AGBL1: variants seen among roughly 807,000 people sequenced by gnomAD.
AGBL1 encodes AGBL carboxypeptidase 1.
In AGBL1, 130 loss-of-function variants were observed where a neutral mutation model predicts 118.9. The observed-to-expected ratio is 1.09, with a 90% CI of 0.95 to 1.26. AGBL1 has a LOEUF of 1.26. Ranked by LOEUF, AGBL1 falls within the 50% of genes most tolerant of loss-of-function variation. The pLI is 0.00. For missense variants in AGBL1, 1,584 were observed against 1,298.1 expected (o/e 1.22, Z -3.38); for synonymous variants, 555 against 478.9 (o/e 1.16, Z -2.08).
chr15:86,611,370 T>C (rs1035034026), intron 21 of AGBL1, among the ~76,000 whole-genome samples: 22 of 152,232 alleles, frequency 1.4e-4, no homozygotes, highest in Admixed American at 1.1e-3. Flanking sequence ...TGGTGATCCA[T>C]AACACCAAAC....
chr15:86,126,188 G>A (rs1288637147), intron 1 of AGBL1, among the ~76,000 whole-genome samples: 1 of 151,558 alleles, frequency 6.6e-6, no homozygotes, highest in Non-Finnish European at 1.5e-5. Context: ...TTATAACCAC[G>A]CCTGCTGACA....
At chr15:86,609,037 A>T (rs886824371) in intron 21 of AGBL1, among the ~76,000 whole-genome samples, 1 of 152,142 alleles carries the variant, frequency 6.6e-6, no homozygotes, top group Non-Finnish European at 1.5e-5. Context: ...AAAGTACGTG[A>T]CTTTTTTGCT....
chr15:86,421,424 A>G (rs1295621437), intron 18 of AGBL1, among the ~76,000 whole-genome samples: 1 of 152,220 alleles, frequency 6.6e-6, no homozygotes, highest in East Asian at 1.9e-4. Context: ...TGTCATCACC[A>G]GGCCTACCAT....
chr15:86,687,032 A>G (rs1024882271), intron 22 of AGBL1, among the ~76,000 whole-genome samples: 1 of 152,118 alleles, frequency 6.6e-6, no homozygotes, highest in Non-Finnish European at 1.5e-5. Flanking sequence ...TCTGGTTTCT[A>G]ACTTATCCTT....
intron 21 of AGBL1, among the ~76,000 whole-genome samples, chr15:86,605,009 G>A (rs965523798): frequency 1.3e-5 from 2 of 151,774 alleles, no homozygotes; most frequent in African/African-American, 2.4e-5. Flanking sequence ...TGGTCAGGCT[G>A]GTCTCGAACT....
intron 23 of AGBL1, among the ~76,000 whole-genome samples, chr15:86,973,355 C>T (rs1874165305): frequency 6.6e-6 from 1 of 152,006 alleles, no homozygotes; most frequent in Non-Finnish European, 1.5e-5. Context: ...ACAGTTGAAG[C>T]TTCTTGATGG....
chr15:86,557,135 T>A (rs2083746332), intron 21 of AGBL1, among the ~76,000 whole-genome samples: 1 of 152,234 alleles, frequency 6.6e-6, no homozygotes, highest in Non-Finnish European at 1.5e-5. Context: ...GGTCATACAC[T>A]TAGATCTATA....
chr15:86,783,863 T>G (rs183158789), intron 22 of AGBL1, among the ~76,000 whole-genome samples: 1 of 152,304 alleles, frequency 6.6e-6, no homozygotes, highest in Admixed American at 6.5e-5. Flanking sequence ...ATTCCTGACC[T>G]CAGGTGATTT....
At chr15:86,680,214 T>A (rs1399676635) in intron 22 of AGBL1, among the ~76,000 whole-genome samples, 1 of 152,212 alleles carries the variant, frequency 6.6e-6, no homozygotes, top group Non-Finnish European at 1.5e-5. Context: ...GTTTAATGAC[T>A]TGCATTGCTC....
intron 3 of AGBL1, among the ~76,000 whole-genome samples, chr15:86,144,963 T>C (rs1461060060): frequency 6.6e-6 from 1 of 152,214 alleles, no homozygotes; most frequent in Non-Finnish European, 1.5e-5. Context: ...GGTTGGTTCC[T>C]TCTGGAGTCT....
intron 6 of AGBL1, among the ~76,000 whole-genome samples, chr15:86,226,878 T>G (rs2078373379): frequency 6.6e-6 from 1 of 152,206 alleles, no homozygotes; most frequent in Admixed American, 6.5e-5. Context: ...GATTACATTG[T>G]GATGAAATTG....
intron 18 of AGBL1, among the ~76,000 whole-genome samples, chr15:86,404,004 C>T (rs2081486912): frequency 6.6e-6 from 1 of 152,116 alleles, no homozygotes. Context: ...ACATCCATGC[C>T]CAAGGTTATA....
At chr15:86,724,808 C>T (rs1006279880) in intron 22 of AGBL1, among the ~76,000 whole-genome samples, 3 of 152,040 alleles carry the variant, frequency 2.0e-5, no homozygotes, top group South Asian at 2.1e-4. Flanking sequence ...GTGGCACCTC[C>T]GTCTTCTCTC....
At chr15:86,552,113 G>A (rs933831770) in intron 20 of AGBL1, among the ~76,000 whole-genome samples, 1 of 152,126 alleles carries the variant, frequency 6.6e-6, no homozygotes, top group African/African-American at 2.4e-5. Flanking sequence ...CAAAAGTGAA[G>A]AGAATCCTCA....
intron 22 of AGBL1, among the ~76,000 whole-genome samples, chr15:86,756,842 G>C (rs1390248310): frequency 6.6e-6 from 1 of 152,032 alleles, no homozygotes; most frequent in Non-Finnish European, 1.5e-5. Context: ...AGGATAATTG[G>C]AAGACACTTA....
intron 17 of AGBL1, among the ~76,000 whole-genome samples, chr15:86,383,721 C>T (rs1039867438): frequency 2.6e-5 from 4 of 152,186 alleles, no homozygotes; most frequent in East Asian, 1.9e-4. Flanking sequence ...CACTTCAGCC[C>T]GCTGCAGTGC....
intron 22 of AGBL1, among the ~76,000 whole-genome samples, chr15:86,756,543 G>T (rs1054618191): frequency 1.3e-5 from 2 of 152,102 alleles, no homozygotes; most frequent in African/African-American, 4.8e-5. Flanking sequence ...GGTGTGGAAA[G>T]AATTTAACCT....
intron 18 of AGBL1, among the ~76,000 whole-genome samples, chr15:86,421,543 C>T (rs2081789867): frequency 6.6e-6 from 1 of 152,106 alleles, no homozygotes. Context: ...GAAACTGCAC[C>T]AACTAATGGG....
chr15:86,757,548 G>A (rs2077959538), intron 22 of AGBL1, among the ~76,000 whole-genome samples: 3 of 152,082 alleles, frequency 2.0e-5, no homozygotes, highest in African/African-American at 7.2e-5. Context: ...GAAAAACCAA[G>A]GCTCAGTGGG....
Sources: gnomAD v4.1 joint callset for allele counts (sites outside exome capture counted in the v4.1 genomes callset) on GRCh38, gnomAD v4.1.1 for gene constraint, MANE v1.5 for transcripts, NCBI Gene and HGNC (gene_info 2026-07-23, HGNC 2026-07-21) for gene names.